Variants in ADGRA3 observed in about 807,000 individuals in gnomAD.
The protein encoded by ADGRA3 is G-protein coupled receptor 125.
ADGRA3 carries 56 observed loss-of-function variants against 119.8 expected under a neutral mutation model. The observed-to-expected ratio is 0.47, with a 90% CI of 0.38 to 0.58. The LOEUF is 0.58. Ranked by LOEUF, ADGRA3 falls within the 20% of genes least tolerant of loss-of-function variation. The pLI is 0.00. For synonymous variants in ADGRA3, 607 were observed against 623.8 expected (o/e 0.97, Z 0.40); for missense variants, 1,516 against 1,649.0 (o/e 0.92, Z 1.40).
chr4:22,434,167 G>A (rs1216348962), intron 10 of ADGRA3, among the ~76,000 whole-genome samples: 1 of 142,542 alleles, frequency 7.0e-6, no homozygotes, highest in Non-Finnish European at 1.5e-5. Flanking sequence ...ACATAAATAT[G>A]TAATATACAT....
At chr4:22,398,194 T>A in intron 16 of ADGRA3, 1 of 914,868 alleles carries the variant, frequency 1.1e-6, no homozygotes, top group Non-Finnish European at 1.3e-6. Flanking sequence ...AATACTAATA[T>A]AATAGTGGTA....
chr4:22,490,151 A>G (rs1038347431), intron 1 of ADGRA3, among the ~76,000 whole-genome samples: 1 of 152,250 alleles, frequency 6.6e-6, no homozygotes, highest in Admixed American at 6.5e-5. Context: ...CTTAGCATTA[A>G]ACTGTAAGTT....
intron 1 of ADGRA3, among the ~76,000 whole-genome samples, chr4:22,493,928 G>A (rs943269850): frequency 3.9e-5 from 6 of 152,162 alleles, no homozygotes; most frequent in Non-Finnish European, 7.3e-5. Flanking sequence ...TGGTGGGCCA[G>A]GCGCGGTGGC....
intron 12 of ADGRA3, chr4:22,420,169 A>T (rs1361378089): frequency 6.6e-6 from 1 of 152,264 alleles, no homozygotes; most frequent in Non-Finnish European, 1.5e-5. Context: ...GACAAGACAG[A>T]AATAAAGTAC....
intron 12 of ADGRA3, among the ~76,000 whole-genome samples, chr4:22,416,744 T>C (rs997265264): frequency 1.3e-5 from 2 of 152,134 alleles, no homozygotes; most frequent in African/African-American, 4.8e-5. Flanking sequence ...ATTTTAACAC[T>C]AAAAATTGAT....
chr4:22,444,195 T>G (rs569789103), intron 6 of ADGRA3, among the ~76,000 whole-genome samples: 1 of 152,324 alleles, frequency 6.6e-6, no homozygotes, highest in South Asian at 2.1e-4. Context: ...ATTTAGGATA[T>G]GCTTATACAC....
chr4:22,420,791 A>C, intron 12 of ADGRA3, 95 bp downstream of exon 12: 1 of 1,240,194 alleles, frequency 8.1e-7, no homozygotes, highest in Non-Finnish European at 1.2e-6. Context: ...CTGCAAAAAA[A>C]AAATCTTTTA....
intron 1 of ADGRA3, among the ~76,000 whole-genome samples, chr4:22,501,408 G>A (rs760963825): frequency 2.0e-5 from 3 of 152,060 alleles, no homozygotes; most frequent in Non-Finnish European, 2.9e-5. Flanking sequence ...AAAAATAAAG[G>A]CATCACTAGA....
In ADGRA3 at chr4:22,388,535, G is replaced by A. The variant is rs1713951227; in HGVS notation, c.3136C>T (p.His1046Tyr). The change falls in exon 19 of 19, where the codon CAT becomes TAT. Residue 1046 changes from histidine to tyrosine, a missense_variant. Physicochemically the swap from His to Tyr is moderately conservative, Grantham distance 83. Transcript: ENST00000334304. ...CTAACATCCTCCCTATTAACACAAT[G>A]GTGGACCACGAAGAACGCACTGAAG... ...LSFSAFFVVH[H>Y]CVNREDVRLA... The A allele has an allele frequency of 6.2e-7, 1 of 1,614,028 alleles. No individual in the cohort carries two copies. Among genetic ancestry groups the A allele is most frequent in the African/African-American group, 1.3e-5 (1 of 75,014 alleles).
intron 16 of ADGRA3, 68 bp from the exon 17 acceptor site, chr4:22,392,758 GT>G (rs1714190608): frequency 8.4e-6 from 12 of 1,429,350 alleles, no homozygotes; most frequent in Middle Eastern, 1.8e-4. Context: ...CTCAAAATTG[GT>G]AAGTAACTCA....
In ADGRA3 at chr4:22,424,228, G is replaced by A; in HGVS notation, c.1568C>T (p.Thr523Ile). 1 of 1,612,718 alleles carries A rather than the reference G, an allele frequency of 6.2e-7. No individual in the cohort carries two copies. Among genetic ancestry groups the A allele is most frequent in the Non-Finnish European group, 8.5e-7 (1 of 1,179,454 alleles). Reference protein sequence around the residue: ...RIVQCLQRIATYRLAGGAHVY... With the variant: ...RIVQCLQRIAIYRLAGGAHVY... ...GTGAGCTCCACCGGCTAGCCGGTAG[G>A]TAGCAATGCGCTGAAGACACTGCAC... The change falls in exon 11 of 19, where the codon ACC (threonine) becomes ATC (isoleucine). Residue 523 changes from threonine (T) to isoleucine (I), a missense_variant. Coordinates refer to ENST00000334304, the MANE Select transcript of ADGRA3 (RefSeq NM_145290.4).
At chr4:22,404,618 C>G (rs1011619874) in intron 14 of ADGRA3, among the ~76,000 whole-genome samples, 8 of 152,152 alleles carry the variant, frequency 5.3e-5, no homozygotes, top group East Asian at 1.9e-4. Context: ...CAGGGATAGA[C>G]AGAACACAGT....
At chr4:22,463,376 G>A (rs940655111) in intron 2 of ADGRA3, among the ~76,000 whole-genome samples, 1 of 152,128 alleles carries the variant, frequency 6.6e-6, no homozygotes, top group African/African-American at 2.4e-5. Flanking sequence ...GACCACTGGC[G>A]CCACCTGTCA....
At chr4:22,398,511 C>A (rs1714466652) in intron 16 of ADGRA3, among the ~76,000 whole-genome samples, 1 of 152,092 alleles carries the variant, frequency 6.6e-6, no homozygotes, top group South Asian at 2.1e-4. Flanking sequence ...GTAACTATCA[C>A]CCTATTATAT....
chr4:22,388,446 C>A lies in ADGRA3; in HGVS notation c.3225G>T (p.Gln1075His), dbSNP rs1713945565. Residue 1075 changes from glutamine (Q) to histidine (H), a missense_variant, in exon 19 of 19, where the codon CAG becomes CAT. Around this residue, in one of 2 missense-constraint regions of ADGRA3, gnomAD observed 1,088 missense variants for 1,107.1 expected, o/e 0.98. Coordinates refer to ENST00000334304, the MANE Select transcript of ADGRA3 (RefSeq NM_145290.4). ...CATTCGTCCCATTAGAGTTGGGGGG[C>A]TGGACGTTGACTTGCACTGAATACG... is the stretch of plus-strand genomic sequence containing the variant. ...RSSYSVQVNV[Q>H]PPNSNGTNGE... The A allele has an allele frequency of 6.2e-7, 1 of 1,613,932 alleles. No individual in the cohort carries two copies. Among genetic ancestry groups the A allele is most frequent in the African/African-American group, 1.3e-5 (1 of 74,898 alleles).
rs150986461 is a variant in ADGRA3, at chr4:22,431,508, C to T, written c.1443+3803G>A. On this transcript the variant is annotated intron_variant, in intron 10 of 18. Transcript: ENST00000334304. ...TTGGAGCTTTAAGATTTGACTGCTC[C>T]GCTGTTGTGTGAATAAGTCTCACAA... Among the ~76,000 whole-genome samples, 365 of 152,256 alleles carry T rather than the reference C, an allele frequency of 2.4e-3. 1 individual carries two copies. The highest frequency in any genetic ancestry group is 8.0e-3 in the African/African-American group (334 of 41,536).
In ADGRA3 at chr4:22,488,902, T is replaced by C. The variant is rs189328408; in HGVS notation, c.258-15059A>G. Among the ~76,000 whole-genome samples the C allele has an allele frequency of 1.1e-4, 17 of 151,936 alleles. No individual in the cohort carries two copies. The East Asian group carries it at 3.3e-3, about 30-fold the overall frequency. ...AGAAGAGTGGCAATAATTAAAGAAA[T>C]AAAAGGAAATGCCTCCATAGAAAGT... On this transcript the variant is annotated intron_variant, in intron 1 of 18. Coordinates refer to ENST00000334304, the MANE Select transcript of ADGRA3 (RefSeq NM_145290.4).
At chr4:22,490,448 T>C (rs949810762) in intron 1 of ADGRA3, among the ~76,000 whole-genome samples, 2 of 152,204 alleles carry the variant, frequency 1.3e-5, no homozygotes, top group South Asian at 2.1e-4. Context: ...GAGGTTCTTA[T>C]AGGAGTCTGA....
intron 1 of ADGRA3, among the ~76,000 whole-genome samples, chr4:22,505,105 C>T (rs896158642): frequency 5.3e-5 from 8 of 152,182 alleles, no homozygotes; most frequent in Non-Finnish European, 1.0e-4. Context: ...CCAGTGCACA[C>T]ATCATCATTG....
Sources: gnomAD v4.1 joint callset for allele counts (sites outside exome capture counted in the v4.1 genomes callset) on GRCh38, gnomAD v4.1.1 for gene constraint, gnomAD v4.1.1 regional missense constraint, MANE v1.5 for transcripts, NCBI Gene and HGNC (gene_info 2026-07-23, HGNC 2026-07-21) for gene names.